Variants in HIP1R observed in about 807,000 individuals in gnomAD.
HIP1R encodes huntingtin-interacting protein 1-related protein.
A neutral mutation model predicts 144.2 loss-of-function variants in HIP1R; 135 were observed. That is an observed-to-expected ratio of 0.94 (90% CI 0.81 to 1.08). The LOEUF is 1.08. Ranked by LOEUF, HIP1R falls within the 50% of genes least tolerant of loss-of-function variation. The pLI is 0.00. For synonymous variants in HIP1R, 698 were observed against 612.8 expected, an observed-to-expected ratio of 1.14 and a Z score of -2.05; for missense variants, 1,462 against 1,432.8, an observed-to-expected ratio of 1.02 and a Z score of -0.33.
chr12:122,860,781 C>T lies in HIP1R; in HGVS notation c.2763C>T (p.Ser921=), dbSNP rs1363422039. ...GCACGGCCCAGCTGGTGGCGGCCTC[C>T]AAGGTGAGCTTGCACGCCGACAGCA... The part of the protein sequence containing the change: ...AASTAQLVAA[S]KVKANKHSPH... Residue 921 remains serine, a synonymous_variant, in exon 28 of 32, where the codon TCC becomes TCT. Transcript: ENST00000253083. 6.2e-7 allele frequency: 1 copy of T among 1,612,230 alleles called. No individual in the cohort carries two copies. The highest frequency in any genetic ancestry group is 8.5e-7 in the Non-Finnish European group (1 of 1,179,424).
intron 7 of HIP1R, among the ~76,000 whole-genome samples, chr12:122,852,948 G>A (rs2033443387): frequency 6.6e-6 from 1 of 152,016 alleles, no homozygotes; most frequent in Non-Finnish European, 1.5e-5. Context: ...GCGGCACTTT[G>A]TGTCTTCCTT....
At position 122,856,066 on chromosome 12, in the gene HIP1R, C is replaced by T. The variant is rs750626754; in HGVS notation, c.1215C>T (p.Ala405=). ...AGCAGCGGAAGCAGAAGCAGAAGGCCCTGGTGGATAATGAGCAGCTCCGCC... is the reference window on the plus strand; with the variant it reads ...AGCAGCGGAAGCAGAAGCAGAAGGCTCTGGTGGATAATGAGCAGCTCCGCC... ...LEEQRKQKQK[A]LVDNEQLRHE... is the part of the protein sequence containing the mutation. Residue 405 remains alanine (A), a synonymous_variant, in exon 14 of 32, where the codon GCC becomes GCT. Coordinates refer to ENST00000253083, the MANE Select transcript of HIP1R (RefSeq NM_003959.3). 68 of 1,591,316 alleles carry T rather than the reference C, an allele frequency of 4.3e-5. No homozygotes were observed. Among genetic ancestry groups the T allele is most frequent in the Admixed American group, 2.1e-4 (12 of 55,864 alleles).
At chr12:122,848,139 G>C in intron 2 of HIP1R, 45 bp downstream of exon 2, 2 of 1,597,336 alleles carry the variant, frequency 1.3e-6, no homozygotes, top group Non-Finnish European at 1.7e-6. Flanking sequence ...GTGTGGATGT[G>C]GGAGCAGCGT....
In HIP1R at chr12:122,854,126, C is replaced by T. The variant is rs1258632887; in HGVS notation, c.661C>T (p.Gln221Ter). Residue 221 changes from glutamine to a stop codon, truncating the protein, a stop_gained, in exon 8 of 32, where the codon CAG becomes TAG. Coordinates refer to ENST00000253083, the MANE Select transcript of HIP1R (RefSeq NM_003959.3). LOFTEE classifies it high-confidence loss of function. ...CCTGGCCCCCCTCATCCAGGTCATC[C>T]AGGACTGCAGCCACCTCTACCACTA... ...CRLAPLIQVIQDCSHLYHYTV... is the reference protein window; with the variant it reads ...CRLAPLIQVI 6.2e-7 allele frequency: 1 copy of T among 1,613,916 alleles called. No homozygotes were observed.
In HIP1R at chr12:122,846,208, C is replaced by T. The variant is rs1398292354; in HGVS notation, c.94-1823C>T. Among the ~76,000 whole-genome samples, 10 of 152,216 alleles carry T rather than the reference C, an allele frequency of 6.6e-5. No individual in the cohort carries two copies. In the East Asian group the frequency reaches 9.7e-4, roughly 15 times the overall value. ...CTCCTGCCCTGGGAGCCCCTCCCCACGGGAGGAACTGCCTGGGGGCTGTTC... is the reference window on the plus strand; with the variant it reads ...CTCCTGCCCTGGGAGCCCCTCCCCATGGGAGGAACTGCCTGGGGGCTGTTC... On this transcript the variant is annotated intron_variant, in intron 1 of 31. Transcript: ENST00000253083.
intron 18 of HIP1R, 30 bp downstream of exon 18, chr12:122,857,245 CTGAGTTCACTGCCG>C: frequency 1.3e-6 from 2 of 1,535,214 alleles, no homozygotes; most frequent in Non-Finnish European, 1.8e-6. Flanking sequence ...AGCAGCACCA[CTGAGTTCACTGCCG>C]TCTGGCAACC....
At chr12:122,850,043 G>A in intron 5 of HIP1R, 88 bp downstream of exon 5, 1 of 876,566 alleles carries the variant, frequency 1.1e-6, no homozygotes, top group Admixed American at 1.8e-5. Flanking sequence ...CATCGAGGGT[G>A]GGATCTGTCC....
chr12:122,844,597 A>T (rs536933213), intron 1 of HIP1R, among the ~76,000 whole-genome samples: 2 of 152,212 alleles, frequency 1.3e-5, no homozygotes, highest in Admixed American at 1.3e-4. Flanking sequence ...AGCCACTCAC[A>T]GCTGTGTGGA....
intron 26 of HIP1R, 99 bp downstream of exon 26, chr12:122,860,309 G>T: frequency 6.5e-7 from 1 of 1,543,346 alleles, no homozygotes; most frequent in Admixed American, 1.8e-5. Flanking sequence ...CCACAGGGAG[G>T]CCTCAGGGAT....
At chr12:122,841,388 C>T (rs2033053842) in intron 1 of HIP1R, among the ~76,000 whole-genome samples, 1 of 152,208 alleles carries the variant, frequency 6.6e-6, no homozygotes, top group Non-Finnish European at 1.5e-5. Flanking sequence ...TGCCGAGTTC[C>T]CTGAGCAACT....
Position 122,847,303 on chromosome 12 carries a change from C to T in HIP1R, c.94-728C>T, listed in dbSNP as rs1446674330. On this transcript the variant is annotated intron_variant, in intron 1 of 31. Coordinates refer to ENST00000253083, the MANE Select transcript of HIP1R (RefSeq NM_003959.3). ...TCGGAAAAGGAGGCAGTAGCCGGGG[C>T]GGGGGGGGAGGGGTGAGACTGCCAT... 1.9e-4 allele frequency among the ~76,000 whole-genome samples: 20 copies of T among 103,692 alleles called. No homozygotes were observed. The East Asian group carries it at 2.2e-3, about 12-fold the overall frequency. The allele number at this position is 103,692 out of a possible 152,430, so 68.0% of individuals were successfully genotyped here.
At position 122,850,756 on chromosome 12, in the gene HIP1R, G is replaced by T. The variant is rs370487177; in HGVS notation, c.439-79G>T. 4.6e-5 allele frequency: 46 copies of T among 1,007,128 alleles called. 1 individual carries two copies. The African/African-American group carries it at 4.6e-4, about 10-fold the overall frequency. 62.4% of individuals were successfully genotyped at this position (1,007,128 alleles called of 1,614,324 possible). On this transcript the variant is annotated intron_variant, in intron 5 of 31. Transcript: ENST00000253083. ...CCCTGGTTCAGTGGCCGCTGGGTGG[G>T]GGGGAGCCCTGGTTCGGTGGCCGCC...
Position 122,861,947 on chromosome 12 carries a change from TGA to T in HIP1R, c.*196_*197del, listed in dbSNP as rs2033784430. 6 of 554,102 alleles carry T rather than the reference TGA, an allele frequency of 1.1e-5. No homozygotes were observed. In the East Asian group the frequency reaches 1.8e-4, roughly 17 times the overall value. 34.3% of individuals were successfully genotyped at this position (554,102 alleles called of 1,614,324 possible). ...GCCATGTGGGTGGTGCTTCTGGATGTGAGTCTCTTATTTATCTGCAGAAGGAA... is the reference window on the plus strand; with the variant it reads ...GCCATGTGGGTGGTGCTTCTGGATGTGTCTCTTATTTATCTGCAGAAGGAA... On this transcript the variant is annotated 3_prime_UTR_variant, in exon 32 of 32. Transcript: ENST00000253083.
rs1401751211 is a variant in HIP1R at position 122,849,863 on chromosome 12, G to A, written c.358-12G>A. 2.5e-6 allele frequency: 4 copies of A among 1,608,798 alleles called. No homozygotes were observed. In the East Asian group the frequency reaches 6.7e-5, roughly 27 times the overall value. On this transcript the variant is annotated splice_polypyrimidine_tract_variant and intron_variant, in intron 4 of 31. Transcript: ENST00000253083. ...CGAGCCGTGGCCCCTCACCCTGTCT[G>A]TCTTCACACAGGGACATTTGCATGA...
intron 7 of HIP1R, among the ~76,000 whole-genome samples, chr12:122,852,242 T>C (rs10744422): frequency 0.84 from 128,549 of 152,230 alleles, 54,534 homozygotes; most frequent in Middle Eastern, 0.91. Context: ...GCCTGATGGG[T>C]ATTCAGTTCC....
rs1295050222 is a variant in HIP1R at position 122,848,453 on chromosome 12, C to G, written c.158-13C>G. ...TCCAGTCTCTGCTTCCACACTTGGC[C>G]TTGACATTGCAGGCATCATTCTGGG... On this transcript the variant is annotated splice_polypyrimidine_tract_variant and intron_variant, in intron 2 of 31. Transcript: ENST00000253083. The G allele has an allele frequency of 6.2e-7, 1 of 1,605,482 alleles. No individual in the cohort carries two copies. The highest frequency in any genetic ancestry group is 1.3e-5 in the African/African-American group (1 of 74,830).
At chr12:122,849,383 G>A (rs1221739442) in intron 4 of HIP1R, among the ~76,000 whole-genome samples, 1 of 152,258 alleles carries the variant, frequency 6.6e-6, no homozygotes, top group Non-Finnish European at 1.5e-5. Context: ...CATAGGAGCA[G>A]GGCAGGCCCT....
In HIP1R at chr12:122,856,374, G is replaced by A. The variant is rs146632762; in HGVS notation, c.1401+30G>A. 1.1e-3 allele frequency: 1,850 copies of A among 1,611,598 alleles called. 20 individuals carry two copies. The African/African-American group carries it at 0.021, about 18-fold the overall frequency. ...GTGCAGCCCATCCTCCATCCCAGCCGGTGGCAGGGCCTCTCGGGGATGGCA... is the reference window on the plus strand; with the variant it reads ...GTGCAGCCCATCCTCCATCCCAGCCAGTGGCAGGGCCTCTCGGGGATGGCA... On this transcript the variant is annotated intron_variant, in intron 15 of 31. Transcript: ENST00000253083.
intron 7 of HIP1R, chr12:122,853,765 C>G: frequency 2.8e-6 from 1 of 360,056 alleles, no homozygotes; most frequent in South Asian, 6.5e-5. Context: ...CAGTCGGGCA[C>G]CTCGTCCTGG....
Sources: allele counts gnomAD v4.1 joint callset (sites outside exome capture counted in the v4.1 genomes callset), GRCh38; gene constraint gnomAD v4.1.1; transcripts MANE v1.5; gene names NCBI Gene and HGNC (gene_info 2026-07-23, HGNC 2026-07-21).